The following LEF1 variants were observed in gnomAD, a reference collection of about 807,000 sequenced individuals.
LEF1 encodes the protein lymphoid enhancer binding factor 1.
A neutral mutation model predicts 51.2 loss-of-function variants in LEF1; 14 were observed. The observed-to-expected ratio is 0.27, with a 90% CI of 0.18 to 0.43. The LOEUF is 0.43. Among genes scored for constraint, LEF1 ranks in the 20% least tolerant of loss-of-function variants. The pLI is 1.00. For synonymous variants in LEF1, 185 were observed against 183.2 expected (o/e 1.01, Z -0.08); for missense variants, 386 against 512.0 (o/e 0.75, Z 2.37).
chr4:108,164,386 C>T (rs1236655788), intron 2 of LEF1, among the ~76,000 whole-genome samples: 5 of 152,082 alleles, frequency 3.3e-5, no homozygotes, highest in African/African-American at 9.7e-5. Context: ...TCCTGGTTGA[C>T]ATATTGTATG....
intron 3 of LEF1, among the ~76,000 whole-genome samples, chr4:108,127,800 G>T (rs1169398229): frequency 6.6e-6 from 1 of 152,274 alleles, no homozygotes; most frequent in East Asian, 1.9e-4. Context: ...AAAAAGTCTG[G>T]ATTATGGGAA....
At chr4:108,136,420 T>C (rs1365143488) in intron 3 of LEF1, among the ~76,000 whole-genome samples, 1 of 152,038 alleles carries the variant, frequency 6.6e-6, no homozygotes, top group African/African-American at 2.4e-5. Flanking sequence ...TGTACAGTTA[T>C]ATAGCATATT....
chr4:108,065,311 C>G (rs1412554984), intron 9 of LEF1, among the ~76,000 whole-genome samples: 1 of 152,090 alleles, frequency 6.6e-6, no homozygotes, highest in Non-Finnish European at 1.5e-5. Flanking sequence ...ATGGTGAAAC[C>G]CTGTCTCTAC....
intron 3 of LEF1, among the ~76,000 whole-genome samples, chr4:108,123,316 G>A (rs1402400739): frequency 2.0e-5 from 3 of 151,958 alleles, no homozygotes; most frequent in Non-Finnish European, 4.4e-5. Flanking sequence ...TCTAGTCAGT[G>A]ACAGCACTTG....
chr4:108,104,931 G>A (rs549280445), intron 3 of LEF1, among the ~76,000 whole-genome samples: 2 of 152,180 alleles, frequency 1.3e-5, no homozygotes, highest in South Asian at 2.1e-4. Context: ...CTGGGAGTCC[G>A]CACTGTCTTC....
chr4:108,165,064 C>T (rs1560836053), intron 2 of LEF1, 33 bp downstream of exon 2: 1 of 1,602,380 alleles, frequency 6.2e-7, no homozygotes, highest in Admixed American at 1.7e-5. Context: ...CCCTTATCTG[C>T]TAAAGTCAGA....
intron 5 of LEF1, among the ~76,000 whole-genome samples, chr4:108,082,468 C>A (rs767139659): frequency 2.6e-4 from 39 of 152,196 alleles, no homozygotes; most frequent in Non-Finnish European, 4.7e-4. Flanking sequence ...GGCAGGATGA[C>A]CCTTCCTAGC....
At chr4:108,138,724 T>C (rs930021483) in intron 3 of LEF1, among the ~76,000 whole-genome samples, 3 of 152,250 alleles carry the variant, frequency 2.0e-5, no homozygotes, top group Admixed American at 2.0e-4. Context: ...CGCCTTGAAG[T>C]TGCCACTGCC....
At chr4:108,089,304 C>T in intron 3 of LEF1, 47 bp from the exon 4 acceptor site, 2 of 1,580,858 alleles carry the variant, frequency 1.3e-6, no homozygotes, top group Non-Finnish European at 1.7e-6. Context: ...TGCCCAGCTC[C>T]AGTCTTTTCT....
rs761433318 is a variant in LEF1, at chr4:108,063,680, C to A, written c.1166-17G>T. 6.3e-7 allele frequency: 1 copy of A among 1,577,596 alleles called. No homozygotes were observed. The highest frequency in any genetic ancestry group is 8.6e-7 in the Non-Finnish European group (1 of 1,164,672). ...GACCTGTACCTGCAGAAAATTGTGT[C>A]TTTAACAAATTTTTATTGAAGAGGT... On this transcript the variant is annotated splice_polypyrimidine_tract_variant and intron_variant, in intron 10 of 11. Transcript: ENST00000265165.
At chr4:108,165,783 G>C (rs932969450) in intron 1 of LEF1, among the ~76,000 whole-genome samples, 1 of 152,158 alleles carries the variant, frequency 6.6e-6, no homozygotes, top group African/African-American at 2.4e-5. Context: ...TCAGGTTATA[G>C]ACATCTAAAA....
Position 108,063,531 on chromosome 4 carries a change from G to A in LEF1, c.*6+92C>T, listed in dbSNP as rs552930699. The A allele has an allele frequency of 4.9e-5, 47 of 964,196 alleles. No homozygotes were observed. The African/African-American group carries it at 5.0e-4, about 10-fold the overall frequency. The allele number at this position is 964,196 out of a possible 1,614,324, so 59.7% of individuals were successfully genotyped here. ...GTTCTCCTCTTTAAGGAGCAATGTC[G>A]AATGAACTCATTATGAGCAAGAAGA... On this transcript the variant is annotated intron_variant, in intron 11 of 11. Transcript: ENST00000265165.
intron 11 of LEF1, among the ~76,000 whole-genome samples, chr4:108,059,714 G>A (rs576256052): frequency 1.7e-4 from 26 of 151,938 alleles, no homozygotes; most frequent in African/African-American, 5.1e-4. Context: ...TGTTTTTTGC[G>A]TTTTTTGAGA....
intron 1 of LEF1, chr4:108,166,499 G>A (rs915747111): frequency 1.5e-6 from 2 of 1,365,320 alleles, no homozygotes; most frequent in Non-Finnish European, 1.9e-6. Context: ...GGGTTTCCCA[G>A]TTGTGGAACA....
intron 9 of LEF1, among the ~76,000 whole-genome samples, chr4:108,064,960 G>A (rs1465847332): frequency 1.3e-5 from 2 of 152,052 alleles, no homozygotes; most frequent in South Asian, 2.1e-4. Flanking sequence ...GCACAGAAAC[G>A]ACAAAACCAA....
In LEF1 at chr4:108,151,719, T is replaced by C. The variant is rs1191098295; in HGVS notation, c.414+11849A>G. ...CACAGAAGGGGTTTAGAACAGTTCCTGGCATGTGCTAAGTACTCAAAACTA... is the reference window on the plus strand; with the variant it reads ...CACAGAAGGGGTTTAGAACAGTTCCCGGCATGTGCTAAGTACTCAAAACTA... On this transcript the variant is annotated intron_variant, in intron 3 of 11. Coordinates refer to ENST00000265165, the MANE Select transcript of LEF1 (RefSeq NM_016269.5). Among the ~76,000 whole-genome samples, 4 of 152,228 alleles carry C rather than the reference T, an allele frequency of 2.6e-5. No individual in the cohort carries two copies. The East Asian group carries it at 5.8e-4, about 22-fold the overall frequency.
At chr4:108,056,879 T>C (rs1335348609) in intron 11 of LEF1, among the ~76,000 whole-genome samples, 1 of 138,770 alleles carries the variant, frequency 7.2e-6, no homozygotes, top group Non-Finnish European at 1.5e-5. Flanking sequence ...CAGCACAAGG[T>C]ACCCCCAACT....
intron 3 of LEF1, among the ~76,000 whole-genome samples, chr4:108,117,839 A>G (rs1440350799): frequency 6.6e-6 from 1 of 152,228 alleles, no homozygotes; most frequent in Non-Finnish European, 1.5e-5. Context: ...ATCACCTCCC[A>G]AGTCCCCATT....
chr4:108,100,120 T>G lies in LEF1; in HGVS notation c.415-10863A>C, dbSNP rs537620816. 2.3e-3 allele frequency among the ~76,000 whole-genome samples: 347 copies of G among 152,238 alleles called. 1 individual carries two copies. The highest frequency in any genetic ancestry group is 4.1e-3 in the Non-Finnish European group (279 of 68,010). ...ATATTTATATGAGTCAAGAAAAAAA[T>G]AACCTTTTGTTATAGACTTAAAAAC... On this transcript the variant is annotated intron_variant, in intron 3 of 11. Transcript: ENST00000265165.
Sources: allele counts gnomAD v4.1 joint callset (sites outside exome capture counted in the v4.1 genomes callset), GRCh38; gene constraint gnomAD v4.1.1; transcripts MANE v1.5; gene names NCBI Gene and HGNC (gene_info 2026-07-23, HGNC 2026-07-21).